Variants in MAPK10 observed in about 807,000 individuals in gnomAD.
The protein encoded by MAPK10 is mitogen-activated protein kinase 10, also known as JNK3 alpha protein kinase.
A neutral mutation model predicts 59.3 loss-of-function variants in MAPK10; 25 were observed. That is an observed-to-expected ratio of 0.42 (90% confidence interval 0.31 to 0.59). The LOEUF (loss-of-function observed/expected upper bound fraction) is 0.59, where lower values mean the gene tolerates loss of function less well. Among genes scored for constraint, MAPK10 ranks in the 20% least tolerant of loss-of-function variants. The pLI is 0.15. For synonymous variants in MAPK10, 190 were observed against 200.5 expected (o/e 0.95, Z 0.44); for missense variants, 351 against 568.9 (o/e 0.62, Z 3.90).
At chr4:86,523,909 T>C (rs1757293546) in intron 1 of MAPK10, among the ~76,000 whole-genome samples, 1 of 152,378 alleles carries the variant, frequency 6.6e-6, no homozygotes, top group African/African-American at 2.4e-5. Context: ...TGTTGGAATC[T>C]GATCACCAAT....
chr4:86,083,826 T>C (rs1221844029), intron 9 of MAPK10, among the ~76,000 whole-genome samples: 1 of 151,626 alleles, frequency 6.6e-6, no homozygotes, highest in Non-Finnish European at 1.5e-5. Flanking sequence ...AAGGAAAGAG[T>C]GAAAAGAACT....
intron 3 of MAPK10, among the ~76,000 whole-genome samples, chr4:86,162,516 G>A (rs1019396803): frequency 1.3e-5 from 2 of 152,002 alleles, no homozygotes; most frequent in East Asian, 3.9e-4. Flanking sequence ...GATGGTCTTG[G>A]CGCAAACTCA....
At chr4:86,321,819 T>C (rs2095900463) in intron 2 of MAPK10, 1 of 152,120 alleles carries the variant, frequency 6.6e-6, no homozygotes, top group South Asian at 2.1e-4. Context: ...AAGACAGATA[T>C]GTACTGCTCT....
upstream of MAPK10, among the ~76,000 whole-genome samples, chr4:86,456,073 A>ATGG (rs1751200884): frequency 6.6e-6 from 1 of 152,210 alleles, no homozygotes; most frequent in Non-Finnish European, 1.5e-5. Flanking sequence ...GTCAAAACTG[A>ATGG]AATCAAGATG....
intron 1 of MAPK10, among the ~76,000 whole-genome samples, chr4:86,563,895 G>A (rs1223351638): frequency 6.6e-6 from 1 of 152,114 alleles, no homozygotes; most frequent in Non-Finnish European, 1.5e-5. Context: ...ACAGTGGTGT[G>A]ATCTCAGCTC....
chr4:86,528,079 C>G (rs187490551), intron 1 of MAPK10, among the ~76,000 whole-genome samples: 1 of 152,206 alleles, frequency 6.6e-6, no homozygotes, highest in East Asian at 1.9e-4. Context: ...TGGGATCATT[C>G]GTACCCCAAA....
At chr4:86,514,502 A>G (rs1320496215) in intron 1 of MAPK10, among the ~76,000 whole-genome samples, 2 of 152,176 alleles carry the variant, frequency 1.3e-5, no homozygotes, top group Non-Finnish European at 2.9e-5. Context: ...GTTTTCTTTT[A>G]GAGAGTCCCC....
intron 1 of MAPK10, among the ~76,000 whole-genome samples, chr4:86,477,578 C>A (rs374960262): frequency 6.6e-6 from 1 of 152,132 alleles, no homozygotes; most frequent in East Asian, 1.9e-4. Context: ...CGCCAATATC[C>A]CATCCCACAG....
At chr4:86,228,886 A>G (rs2091105921) in intron 2 of MAPK10, among the ~76,000 whole-genome samples, 1 of 152,214 alleles carries the variant, frequency 6.6e-6, no homozygotes, top group Non-Finnish European at 1.5e-5. Flanking sequence ...ACTATAAAAT[A>G]TAGTTTAAGT....
In MAPK10 at chr4:86,571,407, C is replaced by T. The variant is rs1346419148; in HGVS notation, c.-263+22503G>A. Among the ~76,000 whole-genome samples, 3 of 150,754 alleles carry T rather than the reference C, an allele frequency of 2.0e-5. No homozygotes were observed. In the Admixed American group the frequency reaches 2.0e-4, roughly 10 times the overall value. Reference sequence around the variant, plus strand: ...GAACACCTATATGAGCTTATCAATTCTCCTTTCCAAACATCACAAAAATGA... The same window carrying T: ...GAACACCTATATGAGCTTATCAATTTTCCTTTCCAAACATCACAAAAATGA... On this transcript the variant is annotated intron_variant, in intron 1 of 4. Coordinates refer to the MAPK10 transcript ENST00000502302.
Position 86,448,412 on chromosome 4 carries a change from T to TA in MAPK10, c.-122+4617dup, listed in dbSNP as rs1238376116. On this transcript the variant is annotated intron_variant, in intron 1 of 13. Transcript: ENST00000361569. ...AAAAAGAATTCTGGGTTTTTTTTTT[T>TA]ATCTTAAATTTATGGATTAACTAGA... Among the ~76,000 whole-genome samples, 3 of 150,272 alleles carry TA rather than the reference T, an allele frequency of 2.0e-5. No individual in the cohort carries two copies. In the East Asian group the frequency reaches 5.8e-4, roughly 29 times the overall value.
At chr4:86,423,712 A>C (rs1242292228) in intron 1 of MAPK10, among the ~76,000 whole-genome samples, 1 of 148,316 alleles carries the variant, frequency 6.7e-6, no homozygotes, top group Non-Finnish European at 1.5e-5. Flanking sequence ...ATGAGTACTA[A>C]GTAGCCTGGT....
At chr4:86,399,226 T>C (rs1743368387) in intron 1 of MAPK10, among the ~76,000 whole-genome samples, 1 of 152,206 alleles carries the variant, frequency 6.6e-6, no homozygotes. Context: ...CCACCTACAG[T>C]GTATAAGCAT....
At chr4:86,063,784 T>A (rs2282596) in intron 11 of MAPK10, among the ~76,000 whole-genome samples, 34,500 of 152,120 alleles carry the variant, frequency 0.23, 4,140 homozygotes, top group South Asian at 0.26. Context: ...CTAGTTCATC[T>A]AGTTCATGCA....
At chr4:86,056,723 A>C (rs2044617919) in intron 11 of MAPK10, among the ~76,000 whole-genome samples, 1 of 150,080 alleles carries the variant, frequency 6.7e-6, no homozygotes, top group Non-Finnish European at 1.5e-5. Context: ...AACTATGCTC[A>C]AAGGCTTCAG....
rs1223873411 is a variant in MAPK10 at position 86,278,351 on chromosome 4, A to G, written c.-7+76179T>C. 2.6e-5 allele frequency among the ~76,000 whole-genome samples: 4 copies of G among 152,170 alleles called. No homozygotes were observed. The East Asian group carries it at 7.7e-4, about 29-fold the overall frequency. On this transcript the variant is annotated intron_variant, in intron 2 of 13. Transcript: ENST00000641462. ...AGGATTGCCTTTGGCTATGGAGTCT[A>G]CTCCAAAATATGAACATAGTGGAGC...
At chr4:86,217,328 TTC>T (rs1563213267) in intron 2 of MAPK10, among the ~76,000 whole-genome samples, 1 of 152,216 alleles carries the variant, frequency 6.6e-6, no homozygotes, top group Non-Finnish European at 1.5e-5. Flanking sequence ...ATAAGATTTT[TTC>T]TGTCATCCTT....
At chr4:86,363,458 C>T (rs916982843), upstream of MAPK10, among the ~76,000 whole-genome samples, 3 of 152,132 alleles carry the variant, frequency 2.0e-5, no homozygotes, top group African/African-American at 7.2e-5. Flanking sequence ...CAATCATTTT[C>T]ATCCGTTAGG....
chr4:86,461,046 C>T (rs1011013408), intron 1 of MAPK10, among the ~76,000 whole-genome samples: 23 of 152,038 alleles, frequency 1.5e-4, no homozygotes, highest in Middle Eastern at 3.4e-3. Context: ...GATGCCCATA[C>T]GTGGGGCTCA....
Sources: allele counts gnomAD v4.1 joint callset (sites outside exome capture counted in the v4.1 genomes callset), GRCh38; gene constraint gnomAD v4.1.1; transcripts MANE v1.5; gene names NCBI Gene and HGNC (gene_info 2026-07-23, HGNC 2026-07-21).